Variants in GPHN observed in about 807,000 individuals in gnomAD.
GPHN encodes gephyrin.
GPHN carries 17 observed loss-of-function variants against 95.5 expected under a neutral mutation model. That is an observed-to-expected ratio of 0.18 (90% CI 0.12 to 0.27). The LOEUF (loss-of-function observed/expected upper bound fraction) is 0.27. Among genes scored for constraint, GPHN ranks in the 10% least tolerant of loss-of-function variants. The probability of loss-of-function intolerance (pLI) is 1.00; values close to 1 mark genes in which losing one functional copy is unlikely to be tolerated. For synonymous variants in GPHN, 320 were observed against 322.5 expected (o/e 0.99, Z 0.08); for missense variants, 660 against 978.1 (o/e 0.67, Z 4.34).
At chr14:67,144,127 A>G (rs995832660) in intron 18 of GPHN, among the ~76,000 whole-genome samples, 1 of 149,514 alleles carries the variant, frequency 6.7e-6, no homozygotes, top group Non-Finnish European at 1.5e-5. Context: ...AGTTCCAGCT[A>G]CTTGGGTGCT....
At chr14:67,077,935 G>C (rs1393501952) in intron 11 of GPHN, among the ~76,000 whole-genome samples, 1 of 152,146 alleles carries the variant, frequency 6.6e-6, no homozygotes, top group Non-Finnish European at 1.5e-5. Context: ...AGGGTGCCCA[G>C]TGTTACATAG....
At chr14:66,927,322 C>G (rs2066532862) in intron 8 of GPHN, among the ~76,000 whole-genome samples, 2 of 147,350 alleles carry the variant, frequency 1.4e-5, no homozygotes, top group African/African-American at 5.2e-5. Flanking sequence ...GCACTTCAGC[C>G]TGCGTGATGG....
chr14:67,098,396 A>C (rs2077506708), intron 12 of GPHN, among the ~76,000 whole-genome samples: 1 of 152,224 alleles, frequency 6.6e-6, no homozygotes, highest in Non-Finnish European at 1.5e-5. Flanking sequence ...ACTGAAGGTG[A>C]GAGAGGTTTA....
At chr14:66,905,781 T>C (rs2065349851) in intron 5 of GPHN, among the ~76,000 whole-genome samples, 1 of 152,110 alleles carries the variant, frequency 6.6e-6, no homozygotes, top group African/African-American at 2.4e-5. Flanking sequence ...TTTATGTCCA[T>C]GTGTACCAAA....
intron 2 of GPHN, among the ~76,000 whole-genome samples, chr14:66,684,876 A>G (rs1301921716): frequency 6.6e-6 from 1 of 151,854 alleles, no homozygotes; most frequent in Non-Finnish European, 1.5e-5. Context: ...CATTAGGTAT[A>G]TCTCCTAATG....
At chr14:66,911,614 T>C (rs1277726768) in intron 5 of GPHN, among the ~76,000 whole-genome samples, 1 of 152,012 alleles carries the variant, frequency 6.6e-6, no homozygotes, top group Non-Finnish European at 1.5e-5. Flanking sequence ...TGTTATTGTC[T>C]GTTTTATACA....
the GPHN span, among the ~76,000 whole-genome samples, chr14:67,603,321 C>T: frequency 0.1 from 15,185 of 152,282 alleles, 814 homozygotes; most frequent in East Asian, 0.14. Flanking sequence ...CCTTCGGCCT[C>T]AGCCTCCCAA....
the GPHN span, among the ~76,000 whole-genome samples, chr14:67,695,176 G>A: frequency 6.6e-6 from 1 of 152,222 alleles, no homozygotes; most frequent in Non-Finnish European, 1.5e-5. Flanking sequence ...AGAGAGCAAG[G>A]ATGGGGCCGC....
chr14:67,487,010 C>T, the GPHN span: 1 of 152,194 alleles, frequency 6.6e-6, no homozygotes, highest in South Asian at 2.1e-4. Context: ...TTATCACACC[C>T]TTGAGTGTGC....
At chr14:67,252,230 C>G in the GPHN span, among the ~76,000 whole-genome samples, 23,482 of 152,106 alleles carry the variant, frequency 0.15, 3,426 homozygotes, top group East Asian at 0.42. Context: ...TGCTCTGTCA[C>G]CCAGGCTGGA....
At position 67,084,354 on chromosome 14, in the gene GPHN, T is replaced by C. The variant is rs76253522; in HGVS notation, c.1145-4629T>C. 3.0e-3 allele frequency among the ~76,000 whole-genome samples: 458 copies of C among 152,232 alleles called. 1 individual carries two copies. The highest frequency in any genetic ancestry group is 5.4e-3 in the Non-Finnish European group (366 of 67,994). On this transcript the variant is annotated intron_variant, in intron 11 of 22. Coordinates refer to ENST00000478722, the MANE Select transcript of GPHN (RefSeq NM_020806.5). ...CATTTTTACAAAATTAGGTTTAAAC[T>C]CCCTTGATCCTGTTTCATTTGTCTA...
the GPHN span, among the ~76,000 whole-genome samples, chr14:67,512,815 T>C: frequency 6.2e-3 from 941 of 152,196 alleles, 9 homozygotes; most frequent in African/African-American, 0.022. Flanking sequence ...CTCCAAGCCA[T>C]CCTGGGAGGT....
intron 8 of GPHN, among the ~76,000 whole-genome samples, chr14:66,963,068 G>A (rs1316095276): frequency 2.6e-5 from 4 of 151,734 alleles, no homozygotes; most frequent in Non-Finnish European, 5.9e-5. Flanking sequence ...GTCAGCCATC[G>A]TCTTTTGTTC....
chr14:67,294,910 G>T, the GPHN span: 1 of 151,966 alleles, frequency 6.6e-6, no homozygotes, highest in Non-Finnish European at 1.5e-5. Flanking sequence ...CTGACCTCGT[G>T]ATCCACCCAC....
the GPHN span, among the ~76,000 whole-genome samples, chr14:67,604,893 G>A: frequency 6.6e-6 from 1 of 152,190 alleles, no homozygotes; most frequent in South Asian, 2.1e-4. Flanking sequence ...TTGAGATAGT[G>A]CCTTTGTTGT....
At chr14:66,620,418 G>A (rs573830570) in intron 1 of GPHN, among the ~76,000 whole-genome samples, 1 of 152,260 alleles carries the variant, frequency 6.6e-6, no homozygotes, top group African/African-American at 2.4e-5. Flanking sequence ...ATGGCAGAAG[G>A]CAAGGAGGAG....
the GPHN span, among the ~76,000 whole-genome samples, chr14:67,254,953 A>G: frequency 6.6e-6 from 1 of 152,226 alleles, no homozygotes; most frequent in African/African-American, 2.4e-5. Context: ...GATTGAGACC[A>G]TCCTAGCCAA....
At chr14:67,354,621 G>A in the GPHN span, among the ~76,000 whole-genome samples, 1 of 152,136 alleles carries the variant, frequency 6.6e-6, no homozygotes, top group South Asian at 2.1e-4. Flanking sequence ...TAAAAAAGAC[G>A]AAGGTATATA....
the GPHN span, among the ~76,000 whole-genome samples, chr14:67,713,095 T>C: frequency 1.3e-5 from 2 of 151,968 alleles, no homozygotes; most frequent in African/African-American, 4.8e-5. Context: ...ATGGCACAAC[T>C]TATATGATCA....
Sources: allele counts gnomAD v4.1 joint callset (sites outside exome capture counted in the v4.1 genomes callset), GRCh38; gene constraint gnomAD v4.1.1; transcripts MANE v1.5; gene names NCBI Gene and HGNC (gene_info 2026-07-23, HGNC 2026-07-21).